ABHD6: variants seen among roughly 807,000 people sequenced by gnomAD.
ABHD6 encodes the protein abhydrolase domain containing 6, acylglycerol lipase, also known as monoacylglycerol lipase ABHD6.
In ABHD6, 33 loss-of-function variants were observed where a neutral mutation model predicts 38.8. The observed-to-expected ratio is 0.85, with a 90% CI of 0.64 to 1.14. ABHD6 has a LOEUF of 1.14. Ranked by LOEUF, ABHD6 falls within the 50% of genes most tolerant of loss-of-function variation. ABHD6 has a pLI of 0.00. For missense variants in ABHD6, 380 were observed against 422.6 expected (o/e 0.90, Z 0.88); for synonymous variants, 147 against 161.6 (o/e 0.91, Z 0.69).
intron 1 of ABHD6, among the ~76,000 whole-genome samples, chr3:58,242,137 C>T (rs182609867): frequency 1.6e-3 from 249 of 151,962 alleles, no homozygotes; most frequent in Non-Finnish European, 2.9e-3. Context: ...GTCAAAGTCC[C>T]GGAGGTGTGG....
chr3:58,241,820 C>T (rs1018430639), intron 1 of ABHD6, among the ~76,000 whole-genome samples: 3 of 152,180 alleles, frequency 2.0e-5, no homozygotes, highest in Admixed American at 6.5e-5. Flanking sequence ...AGAGTGAATG[C>T]TTAGTATCTG....
Position 58,263,317 on chromosome 3 carries a change from G to A in ABHD6, c.120-3872G>A, listed in dbSNP as rs1439768165. ...AGGCGGGAGAATCACTTGAACCCGG[G>A]AGGTGGAGGTTGCAGTGAACTGAGA... On this transcript the variant is annotated intron_variant, in intron 3 of 9. Coordinates refer to ENST00000478253, the MANE Select transcript of ABHD6 (RefSeq NM_001320126.2). The surrounding 1 kb of genome is among the most constrained non-coding windows in gnomAD (Gnocchi z 4.9). 6.6e-6 allele frequency among the ~76,000 whole-genome samples: 1 copy of A among 151,646 alleles called. No homozygotes were observed. Among genetic ancestry groups the A allele is most frequent in the South Asian group, 2.1e-4 (1 of 4,822 alleles).
chr3:58,246,212 CT>C (rs2097426287), intron 1 of ABHD6, among the ~76,000 whole-genome samples: 1 of 152,194 alleles, frequency 6.6e-6, no homozygotes, highest in Non-Finnish European at 1.5e-5. Context: ...CAGCAGGAGA[CT>C]GGCTTGTATT....
chr3:58,271,764 C>CTTTTTTTTTTTTTTTTT (rs1302501356), intron 6 of ABHD6, among the ~76,000 whole-genome samples: 1 of 78,140 alleles, frequency 1.3e-5, no homozygotes, highest in African/African-American at 4.7e-5. Flanking sequence ...CCCCCTCTCT[C>CTTTTTTTTTTTTTTTTT]TGTTTTTTTT....
Position 58,263,791 on chromosome 3 carries a change from C to A in ABHD6, c.120-3398C>A, listed in dbSNP as rs1187797163. On this transcript the variant is annotated intron_variant, in intron 3 of 9. Transcript: ENST00000478253. This position sits in a 1 kb window ranked among gnomAD's most constrained non-coding sequence, Gnocchi z 4.9. ...ATAGAGAATTTGATGATTATAAAAA[C>A]GTAACCCATTCGAGCCCCACTCCCA... Among the ~76,000 whole-genome samples the A allele has an allele frequency of 6.6e-6, 1 of 152,014 alleles. No individual in the cohort carries two copies. The highest frequency in any genetic ancestry group is 1.5e-5 in the Non-Finnish European group (1 of 68,000).
chr3:58,248,214 A>C (rs2097427716), intron 1 of ABHD6, among the ~76,000 whole-genome samples: 2 of 152,184 alleles, frequency 1.3e-5, no homozygotes, highest in African/African-American at 2.4e-5. Context: ...GTTTATATTT[A>C]ATTTCTATTT....
intron 7 of ABHD6, among the ~76,000 whole-genome samples, chr3:58,278,928 T>C (rs983849833): frequency 6.6e-6 from 1 of 152,262 alleles, no homozygotes; most frequent in African/African-American, 2.4e-5. Context: ...AGTTTCTTAA[T>C]CCTGAGCTCT....
In ABHD6 at chr3:58,259,636, G is replaced by A. The variant is rs749318958; in HGVS notation, c.119+2931G>A. Among the ~76,000 whole-genome samples the A allele has an allele frequency of 1.2e-4, 18 of 152,154 alleles. No homozygotes were observed. Among genetic ancestry groups the A allele is most frequent in the Admixed American group, 2.0e-4 (3 of 15,282 alleles). ...GCGGAGGTTGCAGTGAGCCGAGATC[G>A]TGCCACTACACTTCAGCCTGGGTGA... On this transcript the variant is annotated intron_variant, in intron 3 of 9. Coordinates refer to ENST00000478253, the MANE Select transcript of ABHD6 (RefSeq NM_001320126.2). This position sits in a 1 kb window ranked among gnomAD's most constrained non-coding sequence, Gnocchi z 4.7.
intron 9 of ABHD6, among the ~76,000 whole-genome samples, chr3:58,286,570 C>T (rs2097457164): frequency 6.6e-6 from 1 of 151,854 alleles, no homozygotes. Flanking sequence ...GTAACTGTGA[C>T]CTTATAGTAT....
chr3:58,294,322 G>A lies in ABHD6; in HGVS notation c.*557G>A, dbSNP rs1012727922. 3 of 153,176 alleles carry A rather than the reference G, an allele frequency of 2.0e-5. No homozygotes were observed. The highest frequency in any genetic ancestry group is 2.0e-4 in the Admixed American group (3 of 15,340). 9.5% of individuals were successfully genotyped at this position (153,176 alleles called of 1,614,324 possible). On this transcript the variant is annotated 3_prime_UTR_variant, in exon 10 of 10. Coordinates refer to ENST00000478253, the MANE Select transcript of ABHD6 (RefSeq NM_001320126.2). ...TGTAGAAAATGTTTACACGCATGGA[G>A]GGGCATTGCTCTAGCCCTCAGAGCG... is the stretch of plus-strand genomic sequence containing the variant.
At chr3:58,248,053 CATAACAAAT>C (rs1345696309) in intron 1 of ABHD6, among the ~76,000 whole-genome samples, 1 of 152,146 alleles carries the variant, frequency 6.6e-6, no homozygotes, top group South Asian at 2.1e-4. Flanking sequence ...CGTACATAAG[CATAACAAAT>C]ATATTTTCTC....
At chr3:58,242,954 G>C (rs545101426) in intron 1 of ABHD6, among the ~76,000 whole-genome samples, 40 of 152,080 alleles carry the variant, frequency 2.6e-4, no homozygotes, top group South Asian at 2.3e-3. Flanking sequence ...TCCCACCTAT[G>C]AGTGAGACTG....
At position 58,242,847 on chromosome 3, in the gene ABHD6, T is replaced by A. The variant is rs574128179; in HGVS notation, c.-91+4931T>A. ...TTAACTCGTCATTTACGTTAGGTAT[T>A]TCTCCTAATGCTATCCCTCCCCCAT... On this transcript the variant is annotated intron_variant, in intron 1 of 9. Transcript: ENST00000478253. Among the ~76,000 whole-genome samples, 51 of 152,298 alleles carry A rather than the reference T, an allele frequency of 3.3e-4. 1 individual carries two copies. The South Asian group carries it at 0.01, about 30-fold the overall frequency.
Position 58,259,597 on chromosome 3 carries a change from C to T in ABHD6, c.119+2892C>T, listed in dbSNP as rs779864547. Among the ~76,000 whole-genome samples the T allele has an allele frequency of 6.6e-6, 1 of 152,178 alleles. No homozygotes were observed. The highest frequency in any genetic ancestry group is 6.5e-5 in the Admixed American group (1 of 15,280). ...CTGGGAGGCTGAGGCAGAAGAATCG[C>T]TTGAACCCAGGAAGCGGAGGTTGCA... is the stretch of plus-strand genomic sequence containing the variant. On this transcript the variant is annotated intron_variant, in intron 3 of 9. Coordinates refer to ENST00000478253, the MANE Select transcript of ABHD6 (RefSeq NM_001320126.2). The surrounding 1 kb of genome is among the most constrained non-coding windows in gnomAD (Gnocchi z 4.7).
intron 6 of ABHD6, among the ~76,000 whole-genome samples, chr3:58,274,275 C>T (rs1302699149): frequency 3.3e-5 from 5 of 152,178 alleles, no homozygotes; most frequent in Non-Finnish European, 7.4e-5. Flanking sequence ...CTCAGATATG[C>T]TTAGGCAAGT....
chr3:58,288,439 C>T (rs1252551163), intron 9 of ABHD6, among the ~76,000 whole-genome samples: 1 of 152,196 alleles, frequency 6.6e-6, no homozygotes, highest in Non-Finnish European at 1.5e-5. Flanking sequence ...CATCGCTCCT[C>T]TATGTTCAGT....
At chr3:58,248,637 G>T (rs1334229457) in intron 1 of ABHD6, among the ~76,000 whole-genome samples, 1 of 152,224 alleles carries the variant, frequency 6.6e-6, no homozygotes, top group Non-Finnish European at 1.5e-5. Flanking sequence ...GGCGGAGGTT[G>T]CGGTGAGCTG....
At chr3:58,282,301 T>C (rs911778819) in intron 7 of ABHD6, among the ~76,000 whole-genome samples, 1 of 152,004 alleles carries the variant, frequency 6.6e-6, no homozygotes, top group Non-Finnish European at 1.5e-5. Context: ...TTGGGAACTA[T>C]TGTGCCTTGG....
Position 58,293,616 on chromosome 3 carries a change from T to C in ABHD6, c.865T>C (p.Leu289=), listed in dbSNP as rs1559787145. The change falls in exon 10 of 10, where the codon TTG becomes CTG. Residue 289 remains leucine, a synonymous_variant. Transcript: ENST00000478253. This position sits in a 1 kb window ranked among gnomAD's most constrained non-coding sequence, Gnocchi z 4.4. ...GCTGGATGTGTCTGGGGCAGACATG[T>C]TGGCCAAGTCAATTGCCAACTGCCA... ...QVLDVSGADM[L]AKSIANCQVE... 1 of 1,614,174 alleles carries C rather than the reference T, an allele frequency of 6.2e-7. No individual in the cohort carries two copies. Among genetic ancestry groups the C allele is most frequent in the East Asian group, 2.2e-5 (1 of 44,876 alleles).
Sources: allele counts gnomAD v4.1 joint callset (sites outside exome capture counted in the v4.1 genomes callset), GRCh38; gene constraint gnomAD v4.1.1; non-coding constraint Gnocchi (gnomAD v3.1); transcripts MANE v1.5; gene names NCBI Gene and HGNC (gene_info 2026-07-23, HGNC 2026-07-21).